GXYLT2: variants seen among roughly 807,000 people sequenced by gnomAD.
GXYLT2 encodes glucoside xylosyltransferase 2.
In GXYLT2, 53 loss-of-function variants were observed where a neutral mutation model predicts 45.8. That is an observed-to-expected ratio of 1.16 (90% CI 0.93 to 1.46). The LOEUF (loss-of-function observed/expected upper bound fraction) is 1.46, where lower values mean the gene tolerates loss of function less well. GXYLT2 is among the 40% of genes most tolerant of loss of function. GXYLT2 has a pLI of 0.00. For missense variants in GXYLT2, 551 were observed against 544.4 expected (o/e 1.01, Z -0.12); for synonymous variants, 219 against 214.2 (o/e 1.02, Z -0.19).
At chr3:72,941,576 T>A (rs998889364) in intron 3 of GXYLT2, among the ~76,000 whole-genome samples, 1 of 152,174 alleles carries the variant, frequency 6.6e-6, no homozygotes, top group African/African-American at 2.4e-5. Flanking sequence ...TCACACCTAG[T>A]AATCTTAGCC....
At chr3:72,920,414 C>T (rs552996266) in intron 2 of GXYLT2, among the ~76,000 whole-genome samples, 125 of 152,206 alleles carry the variant, frequency 8.2e-4, no homozygotes, top group South Asian at 3.7e-3. Context: ...AGATTACAGG[C>T]GTCAGCCACC....
chr3:72,935,710 A>G (rs902331728), intron 3 of GXYLT2, among the ~76,000 whole-genome samples: 2 of 152,262 alleles, frequency 1.3e-5, no homozygotes, highest in African/African-American at 2.4e-5. Context: ...CAATACCTTT[A>G]AAATTCACAG....
chr3:72,888,378 C>T lies in GXYLT2; in HGVS notation c.145C>T (p.Pro49Ser), dbSNP rs1263034397. ...PASAPQRHPA[P>S]VPARWPGPGA... The stretch of plus-strand genomic sequence containing the variant: ...GTCCGCCCCGCAGCGCCACCCCGCG[C>T]CTGTCCCCGCGCGCTGGCCGGGGCC... The change falls in exon 1 of 7, where the codon CCT becomes TCT. Residue 49 changes from proline (P) to serine (S), a missense_variant. Pro to Ser is a moderately conservative substitution (Grantham distance 74). Coordinates refer to ENST00000389617, the MANE Select transcript of GXYLT2 (RefSeq NM_001080393.2). 2 of 985,866 alleles carry T rather than the reference C, an allele frequency of 2.0e-6. No homozygotes were observed. The highest frequency in any genetic ancestry group is 2.3e-4 in the East Asian group (2 of 8,838). 61.1% of individuals were successfully genotyped at this position (985,866 alleles called of 1,614,324 possible).
At chr3:72,896,422 A>T (rs931932785) in intron 1 of GXYLT2, among the ~76,000 whole-genome samples, 1 of 152,092 alleles carries the variant, frequency 6.6e-6, no homozygotes, top group Non-Finnish European at 1.5e-5. Context: ...TTTCAGTTTT[A>T]TATCTTTTAA....
At chr3:72,899,209 T>C (rs1401201577) in intron 1 of GXYLT2, among the ~76,000 whole-genome samples, 1 of 152,180 alleles carries the variant, frequency 6.6e-6, no homozygotes, top group East Asian at 1.9e-4. Flanking sequence ...CGTATACACA[T>C]AGCTGTAATT....
chr3:72,922,394 C>T, intron 3 of GXYLT2, 59 bp downstream of exon 3: 1 of 1,536,524 alleles, frequency 6.5e-7, no homozygotes, highest in Non-Finnish European at 8.8e-7. Flanking sequence ...GTAAAATTAG[C>T]TGAGATGTGT....
Position 72,935,943 on chromosome 3 carries a change from G to A in GXYLT2, c.600+13608G>A, listed in dbSNP as rs78569377. Reference sequence around the variant, plus strand: ...AGGGAATACTACTCAAAGGGGACGTGAAAGGAGTATCAGGGGAAAGGAGAT... The same window carrying A: ...AGGGAATACTACTCAAAGGGGACGTAAAAGGAGTATCAGGGGAAAGGAGAT... On this transcript the variant is annotated intron_variant, in intron 3 of 6. Coordinates refer to ENST00000389617, the MANE Select transcript of GXYLT2 (RefSeq NM_001080393.2). Among the ~76,000 whole-genome samples, 1,238 of 152,298 alleles carry A rather than the reference G, an allele frequency of 8.1e-3. 15 individuals are homozygous for A. The highest frequency in any genetic ancestry group is 0.012 in the Non-Finnish European group (816 of 68,014).
At chr3:72,902,216 G>C (rs1297537039) in intron 1 of GXYLT2, among the ~76,000 whole-genome samples, 3 of 152,082 alleles carry the variant, frequency 2.0e-5, no homozygotes, top group Non-Finnish European at 4.4e-5. Context: ...GGAACTTCTG[G>C]GTCATATGGT....
intron 5 of GXYLT2, among the ~76,000 whole-genome samples, chr3:72,960,805 A>G (rs559271774): frequency 6.6e-6 from 1 of 152,322 alleles, no homozygotes; most frequent in East Asian, 1.9e-4. Flanking sequence ...GTATTTGAAA[A>G]AAAGATTTGT....
intron 3 of GXYLT2, among the ~76,000 whole-genome samples, chr3:72,953,541 C>T (rs944329718): frequency 6.6e-6 from 1 of 152,118 alleles, no homozygotes; most frequent in Non-Finnish European, 1.5e-5. Flanking sequence ...CTGCCTGCCT[C>T]GGCCTCCCAA....
chr3:72,951,522 TG>T (rs1359361655), intron 3 of GXYLT2, among the ~76,000 whole-genome samples: 1 of 152,176 alleles, frequency 6.6e-6, no homozygotes, highest in Non-Finnish European at 1.5e-5. Context: ...TTTAACAACT[TG>T]GGTGGGTGGT....
intron 3 of GXYLT2, among the ~76,000 whole-genome samples, chr3:72,930,597 T>TTC (rs1303316801): frequency 7.0e-6 from 1 of 143,592 alleles, no homozygotes; most frequent in African/African-American, 2.6e-5. Context: ...TTCTTCTTTT[T>TTC]TTTTTTTTTT....
At chr3:72,927,409 A>G (rs1276270010) in intron 3 of GXYLT2, among the ~76,000 whole-genome samples, 3 of 152,174 alleles carry the variant, frequency 2.0e-5, no homozygotes, top group Non-Finnish European at 4.4e-5. Flanking sequence ...TTTTCTACTT[A>G]CGGCTTGTTA....
intron 3 of GXYLT2, among the ~76,000 whole-genome samples, chr3:72,952,649 G>A (rs986017073): frequency 2.0e-5 from 3 of 152,146 alleles, no homozygotes; most frequent in South Asian, 2.1e-4. Flanking sequence ...AGCATGGTCA[G>A]GTTGTGGTGA....
At chr3:72,892,092 G>T (rs1300285792) in intron 1 of GXYLT2, among the ~76,000 whole-genome samples, 4 of 152,168 alleles carry the variant, frequency 2.6e-5, no homozygotes, top group African/African-American at 9.7e-5. Context: ...TTGGGTTCTA[G>T]TCCAAAGCCA....
intron 1 of GXYLT2, among the ~76,000 whole-genome samples, chr3:72,890,873 C>T (rs1709170278): frequency 6.6e-6 from 1 of 151,920 alleles, no homozygotes; most frequent in African/African-American, 2.4e-5. Flanking sequence ...GAATACAGAA[C>T]AAAATTTTAA....
intron 1 of GXYLT2, among the ~76,000 whole-genome samples, chr3:72,906,860 T>C (rs887070985): frequency 1.3e-5 from 2 of 152,164 alleles, no homozygotes; most frequent in African/African-American, 4.8e-5. Context: ...TTGTGAGAGA[T>C]ACAAGTAGGA....
At chr3:72,936,248 C>T (rs189772657) in intron 3 of GXYLT2, among the ~76,000 whole-genome samples, 169 of 149,748 alleles carry the variant, frequency 1.1e-3, no homozygotes, top group Non-Finnish European at 1.1e-3. Flanking sequence ...GCCAAGATTG[C>T]GCCATTGCGC....
chr3:72,929,633 T>C lies in GXYLT2; in HGVS notation c.600+7298T>C. Reference sequence around the variant, plus strand: ...AATTTCCCCATAGCCATGGGGTGACTTCCCTGGTCACCAAGGCAGTGCATG... The same window carrying C: ...AATTTCCCCATAGCCATGGGGTGACCTCCCTGGTCACCAAGGCAGTGCATG... On this transcript the variant is annotated intron_variant, in intron 3 of 6. Coordinates refer to ENST00000389617, the MANE Select transcript of GXYLT2 (RefSeq NM_001080393.2). 3.4e-6 allele frequency: 3 copies of C among 878,110 alleles called. No homozygotes were observed. In the South Asian group the frequency reaches 4.0e-5, roughly 12 times the overall value. The allele number at this position is 878,110 out of a possible 1,614,324, so 54.4% of individuals were successfully genotyped here. A position where few individuals can be genotyped will look rare whatever the true frequency, so the allele number is the denominator to read the frequency against.
Sources: allele counts gnomAD v4.1 joint callset (sites outside exome capture counted in the v4.1 genomes callset), GRCh38; gene constraint gnomAD v4.1.1; transcripts MANE v1.5; gene names NCBI Gene and HGNC (gene_info 2026-07-23, HGNC 2026-07-21).